The following LRFN5 variants were observed in gnomAD, a reference collection of about 807,000 sequenced individuals.
The protein encoded by LRFN5 is leucine rich repeat and fibronectin type III domain containing 5, also known as leucine-rich repeat and fibronectin type-III domain-containing protein 5.
Under a neutral mutation model 45.6 loss-of-function variants are expected in LRFN5, and 24 were observed. The observed-to-expected ratio is 0.53, with a 90% confidence interval of 0.38 to 0.74. LRFN5 has a LOEUF of 0.74. LRFN5 is among the 30% of genes least tolerant of loss of function. The probability of loss-of-function intolerance (pLI) is 0.00; values close to 1 mark genes in which losing one functional copy is unlikely to be tolerated. For missense variants in LRFN5, 776 were observed against 861.5 expected (o/e 0.90, Z 1.24); for synonymous variants, 340 against 313.8 (o/e 1.08, Z -0.88).
chr14:41,671,617 G>GATTTTTTTT (rs1881224166), intron 1 of LRFN5, among the ~76,000 whole-genome samples: 1 of 78,020 alleles, frequency 1.3e-5, no homozygotes, highest in African/African-American at 5.4e-5. Flanking sequence ...TTTTTTTTTC[G>GATTTTTTTT]TTTTTTTTTT....
Position 41,891,673 on chromosome 14 carries a change from T to C in LRFN5, c.1809T>C (p.Cys603=), listed in dbSNP as rs774956651. The C allele has an allele frequency of 2.7e-5, 43 of 1,614,098 alleles. No homozygotes were observed. The highest frequency in any genetic ancestry group is 1.6e-4 in the Middle Eastern group (1 of 6,084). ...AVGHEENAQC[C]KATSDNVIQS... ...GACACGAAGAGAATGCCCAGTGTTG[T>C]AAAGCTACCAGTGACAATGTGATTC... Residue 603 remains cysteine, a synonymous_variant, in exon 4 of 6, where the codon TGT becomes TGC. Transcript: ENST00000298119.
intron 4 of LRFN5, among the ~76,000 whole-genome samples, chr14:41,898,259 GA>G (rs1223809873): frequency 6.6e-6 from 1 of 151,950 alleles, no homozygotes; most frequent in South Asian, 2.1e-4. Flanking sequence ...AGGCATTTTG[GA>G]AAAAAATAGA....
At chr14:41,656,584 G>A (rs552091141) in intron 1 of LRFN5, among the ~76,000 whole-genome samples, 28 of 151,878 alleles carry the variant, frequency 1.8e-4, no homozygotes, top group African/African-American at 6.0e-4. Context: ...CAATTTAGAC[G>A]AGATCTGTCT....
At chr14:41,805,560 C>CCA (rs1555320837) in intron 2 of LRFN5, among the ~76,000 whole-genome samples, 1 of 147,444 alleles carries the variant, frequency 6.8e-6, no homozygotes, top group Non-Finnish European at 1.5e-5. Flanking sequence ...TCCACCCCCC[C>CCA]CACCCCACAG....
chr14:41,758,749 A>C (rs1452443649), intron 1 of LRFN5, among the ~76,000 whole-genome samples: 1 of 152,192 alleles, frequency 6.6e-6, no homozygotes, highest in African/African-American at 2.4e-5. Context: ...ATCTGACCTT[A>C]TGGAAAATTT....
chr14:41,691,663 A>AT (rs1219966990), intron 1 of LRFN5, among the ~76,000 whole-genome samples: 21 of 152,134 alleles, frequency 1.4e-4, no homozygotes, highest in Admixed American at 9.2e-4. Flanking sequence ...GAGTTTGGCG[A>AT]TTTTTTAACA....
At chr14:41,791,186 A>T (rs540214094) in intron 2 of LRFN5, among the ~76,000 whole-genome samples, 79 of 151,814 alleles carry the variant, frequency 5.2e-4, no homozygotes, top group African/African-American at 1.7e-3. Flanking sequence ...TGTTTTTTTT[A>T]AAAAAAGTAT....
At chr14:41,811,334 A>G (rs1887728671) in intron 2 of LRFN5, among the ~76,000 whole-genome samples, 1 of 152,090 alleles carries the variant, frequency 6.6e-6, no homozygotes, top group South Asian at 2.1e-4. Flanking sequence ...AGTGTAAAAT[A>G]TTGAAGCTAC....
At chr14:41,850,514 A>G (rs1229722271) in intron 2 of LRFN5, among the ~76,000 whole-genome samples, 2 of 151,912 alleles carry the variant, frequency 1.3e-5, no homozygotes, top group Admixed American at 1.3e-4. Context: ...ATATCATAGA[A>G]CTGTGAATAT....
intron 2 of LRFN5, among the ~76,000 whole-genome samples, chr14:41,884,008 T>C (rs1890479122): frequency 6.6e-6 from 1 of 152,202 alleles, no homozygotes; most frequent in Non-Finnish European, 1.5e-5. Context: ...TTTGTACCTA[T>C]TACCCTGCCT....
intron 2 of LRFN5, among the ~76,000 whole-genome samples, chr14:41,841,016 G>C (rs942656732): frequency 3.3e-5 from 5 of 151,552 alleles, no homozygotes; most frequent in African/African-American, 4.8e-5. Flanking sequence ...CTATTCAAGA[G>C]ATCTGTGTGT....
At chr14:41,679,690 G>A (rs1881798077) in intron 1 of LRFN5, among the ~76,000 whole-genome samples, 1 of 152,054 alleles carries the variant, frequency 6.6e-6, no homozygotes, top group Admixed American at 6.6e-5. Context: ...TCCCAGCGGT[G>A]GTAGCTATGG....
intron 2 of LRFN5, among the ~76,000 whole-genome samples, chr14:41,815,076 G>A (rs1370672358): frequency 6.6e-6 from 1 of 152,086 alleles, no homozygotes; most frequent in African/African-American, 2.4e-5. Context: ...GTGTTGTTGA[G>A]TTCAACTAGG....
intron 4 of LRFN5, chr14:41,892,451 A>G (rs939543079): frequency 2.8e-5 from 28 of 983,808 alleles, no homozygotes; most frequent in Non-Finnish European, 3.4e-5. Context: ...CAGATTAAAA[A>G]AATGAAAATT....
At chr14:41,901,950 A>G (rs967600251) in intron 5 of LRFN5, among the ~76,000 whole-genome samples, 2 of 152,154 alleles carry the variant, frequency 1.3e-5, no homozygotes, top group East Asian at 1.9e-4. Flanking sequence ...TGTTTTTAAC[A>G]TATATATTTG....
At chr14:41,696,560 A>C (rs1053427792) in intron 1 of LRFN5, among the ~76,000 whole-genome samples, 3 of 152,014 alleles carry the variant, frequency 2.0e-5, no homozygotes, top group Admixed American at 1.3e-4. Flanking sequence ...CAATCTGTTG[A>C]TATCTATTCA....
At chr14:41,891,201 T>A in intron 3 of LRFN5, 49 bp from the exon 4 acceptor site, 1 of 1,405,126 alleles carries the variant, frequency 7.1e-7, no homozygotes, top group Non-Finnish European at 1.0e-6. Context: ...TTTCTGTGTA[T>A]GTGTTTTGTT....
At chr14:41,640,008 T>C (rs1280934620) in intron 1 of LRFN5, among the ~76,000 whole-genome samples, 2 of 142,040 alleles carry the variant, frequency 1.4e-5, no homozygotes, top group Non-Finnish European at 3.0e-5. Flanking sequence ...CTATATTGCA[T>C]AGGCTGGTCT....
intron 1 of LRFN5, among the ~76,000 whole-genome samples, chr14:41,663,562 G>A (rs1350844349): frequency 6.6e-6 from 1 of 151,826 alleles, no homozygotes; most frequent in Non-Finnish European, 1.5e-5. Context: ...ATAAGAATAA[G>A]GGAGGATTAC....
Sources: allele counts gnomAD v4.1 joint callset (sites outside exome capture counted in the v4.1 genomes callset), GRCh38; gene constraint gnomAD v4.1.1; transcripts MANE v1.5; gene names NCBI Gene and HGNC (gene_info 2026-07-23, HGNC 2026-07-21).